Variants in SPATA6 observed in about 807,000 individuals in gnomAD.
SPATA6 encodes spermatogenesis-associated protein 6.
A neutral mutation model predicts 65.3 loss-of-function variants in SPATA6; 56 were observed. The observed-to-expected ratio is 0.86, with a 90% CI of 0.69 to 1.07. The LOEUF is 1.07. SPATA6 is among the 50% of genes least tolerant of loss of function. SPATA6 has a pLI of 0.00. For synonymous variants in SPATA6, 199 were observed against 213.2 expected (o/e 0.93, Z 0.58); for missense variants, 590 against 594.8 (o/e 0.99, Z 0.08).
At position 48,357,374 on chromosome 1, in the gene SPATA6, C is replaced by T. The variant is rs150149567; in HGVS notation, c.1095-1605G>A. 3.3e-5 allele frequency among the ~76,000 whole-genome samples: 5 copies of T among 151,916 alleles called. No homozygotes were observed. The East Asian group carries it at 9.7e-4, about 29-fold the overall frequency. Reference sequence around the variant, plus strand: ...AGGAATTTCTTAAATGGGCACAAAGCAAAAAACACCTTCACTATAAATAAA... The same window carrying T: ...AGGAATTTCTTAAATGGGCACAAAGTAAAAAACACCTTCACTATAAATAAA... On this transcript the variant is annotated intron_variant, in intron 10 of 12. Coordinates refer to ENST00000371847, the MANE Select transcript of SPATA6 (RefSeq NM_019073.4).
chr1:48,394,083 A>C (rs930261398), intron 8 of SPATA6, among the ~76,000 whole-genome samples: 6 of 152,136 alleles, frequency 3.9e-5, no homozygotes, highest in Admixed American at 3.3e-4. Context: ...GAAAAAGCAA[A>C]TATTATTGTT....
intron 11 of SPATA6, among the ~76,000 whole-genome samples, chr1:48,342,516 T>A (rs1646247239): frequency 6.7e-6 from 1 of 149,864 alleles, no homozygotes; most frequent in Admixed American, 6.7e-5. Flanking sequence ...CTGGGGAGGC[T>A]AAGGCAGGAG....
chr1:48,471,122 T>G (rs554619200), intron 1 of SPATA6, among the ~76,000 whole-genome samples: 1 of 152,066 alleles, frequency 6.6e-6, no homozygotes, highest in African/African-American at 2.4e-5. Flanking sequence ...ACAAGGGGAA[T>G]AGAGTTTTCT....
intron 8 of SPATA6, among the ~76,000 whole-genome samples, chr1:48,387,119 A>T (rs1649557442): frequency 6.6e-6 from 1 of 152,196 alleles, no homozygotes; most frequent in South Asian, 2.1e-4. Context: ...GCAGGCAAAG[A>T]GAGAGAACTT....
chr1:48,313,864 A>C (rs1645310256), intron 11 of SPATA6, among the ~76,000 whole-genome samples: 1 of 152,202 alleles, frequency 6.6e-6, no homozygotes, highest in African/African-American at 2.4e-5. Flanking sequence ...AGCAAATGGA[A>C]AACAAAAAAA....
intron 11 of SPATA6, among the ~76,000 whole-genome samples, chr1:48,354,672 T>A (rs553005385): frequency 6.6e-6 from 1 of 152,098 alleles, no homozygotes; most frequent in African/African-American, 2.4e-5. Flanking sequence ...GTAGACACTG[T>A]AGGATGTCAT....
chr1:48,450,696 T>G (rs1390758700), intron 3 of SPATA6, among the ~76,000 whole-genome samples: 2 of 151,812 alleles, frequency 1.3e-5, no homozygotes, highest in South Asian at 4.1e-4. Flanking sequence ...TGGAGAAGAG[T>G]CACTAAACTA....
chr1:48,374,265 C>A (rs1460482432), intron 9 of SPATA6, among the ~76,000 whole-genome samples: 3 of 151,100 alleles, frequency 2.0e-5, no homozygotes, highest in African/African-American at 4.9e-5. Flanking sequence ...ATGCAAAAAT[C>A]AATTCCAAAC....
intron 11 of SPATA6, among the ~76,000 whole-genome samples, chr1:48,317,436 C>A (rs1482272546): frequency 6.6e-6 from 1 of 151,706 alleles, no homozygotes; most frequent in Admixed American, 6.6e-5. Flanking sequence ...GACAAAAAAC[C>A]AAACACCGCA....
intron 3 of SPATA6, among the ~76,000 whole-genome samples, chr1:48,439,770 C>T (rs530155945): frequency 2.8e-4 from 43 of 152,252 alleles, no homozygotes; most frequent in African/African-American, 1.0e-3. Context: ...CCTTGAAATG[C>T]ATCCTAAGCC....
intron 3 of SPATA6, among the ~76,000 whole-genome samples, chr1:48,417,611 C>T (rs945822734): frequency 3.9e-5 from 6 of 151,948 alleles, no homozygotes; most frequent in African/African-American, 1.4e-4. Flanking sequence ...GTCAGGAGTT[C>T]GAGTCCAGCC....
intron 9 of SPATA6, among the ~76,000 whole-genome samples, chr1:48,360,189 T>C (rs904458572): frequency 1.3e-5 from 2 of 152,076 alleles, no homozygotes; most frequent in Admixed American, 6.6e-5. Context: ...AATGGACACA[T>C]GAACAAATCA....
At position 48,298,606 on chromosome 1, in the gene SPATA6, A is replaced by T; in HGVS notation, c.*107T>A. On this transcript the variant is annotated 3_prime_UTR_variant, in exon 13 of 13. Transcript: ENST00000371847. ...TTATTCAAGTATAACTATTGTACTT[A>T]GTTATAATCCCATTTTTTTTAAAAA... is the stretch of plus-strand genomic sequence containing the variant. The T allele has an allele frequency of 9.5e-7, 1 of 1,048,228 alleles. No individual in the cohort carries two copies. Among genetic ancestry groups the T allele is most frequent in the Non-Finnish European group, 1.4e-6 (1 of 728,224 alleles). The allele number at this position is 1,048,228 out of a possible 1,614,324, so 64.9% of individuals were successfully genotyped here.
At chr1:48,266,677 G>A in the SPATA6 span, among the ~76,000 whole-genome samples, 13 of 152,198 alleles carry the variant, frequency 8.5e-5, no homozygotes, top group South Asian at 8.3e-4. Context: ...AAAATACTTC[G>A]TAATTCAAAA....
chr1:48,423,886 C>A (rs771855678), intron 3 of SPATA6, among the ~76,000 whole-genome samples: 1 of 152,020 alleles, frequency 6.6e-6, no homozygotes, highest in Non-Finnish European at 1.5e-5. Flanking sequence ...ATACATAGTA[C>A]ATGTATATAT....
the SPATA6 span, among the ~76,000 whole-genome samples, chr1:48,283,678 C>CAAAAAAA: frequency 1.6e-5 from 1 of 60,824 alleles, no homozygotes; most frequent in African/African-American, 6.1e-5. Context: ...GACTCCGTCT[C>CAAAAAAA]AAAAAAAAAA....
At chr1:48,420,269 T>C (rs1027697588) in intron 3 of SPATA6, among the ~76,000 whole-genome samples, 6 of 152,200 alleles carry the variant, frequency 3.9e-5, no homozygotes, top group African/African-American at 1.4e-4. Flanking sequence ...CGTCATGCTA[T>C]ATATCTCTTC....
At chr1:48,336,192 T>G (rs1380509532) in intron 11 of SPATA6, among the ~76,000 whole-genome samples, 1 of 152,034 alleles carries the variant, frequency 6.6e-6, no homozygotes, top group Non-Finnish European at 1.5e-5. Context: ...GGAGTGTAAA[T>G]TAGTTCAACC....
intron 8 of SPATA6, among the ~76,000 whole-genome samples, 199 bp downstream of exon 8, chr1:48,395,068 G>A (rs1650452229): frequency 5.3e-5 from 8 of 151,886 alleles, no homozygotes. Flanking sequence ...ATGATTTATA[G>A]TAGCACAGAA....
Sources: allele counts gnomAD v4.1 joint callset (sites outside exome capture counted in the v4.1 genomes callset), GRCh38; gene constraint gnomAD v4.1.1; transcripts MANE v1.5; gene names NCBI Gene and HGNC (gene_info 2026-07-23, HGNC 2026-07-21).